CYREN: variants seen among roughly 807,000 people sequenced by gnomAD.
The protein encoded by CYREN is cell cycle regulator of non-homologous end joining.
In CYREN, 7 loss-of-function variants were observed where a neutral mutation model predicts 9.7. That is an observed-to-expected ratio of 0.72 (90% CI 0.41 to 1.36). The LOEUF is 1.36. Ranked by LOEUF, CYREN falls within the 40% of genes most tolerant of loss-of-function variation. The probability of loss-of-function intolerance (pLI) is 0.01; values close to 1 mark genes in which losing one functional copy is unlikely to be tolerated. For missense variants in CYREN, 215 were observed against 198.1 expected (o/e 1.09, Z -0.51); for synonymous variants, 76 against 77.9 (o/e 0.98, Z 0.13).
At chr7:135,119,711 A>T (rs1455459793) in intron 2 of CYREN, among the ~76,000 whole-genome samples, 1 of 152,104 alleles carries the variant, frequency 6.6e-6, no homozygotes, top group Non-Finnish European at 1.5e-5. Flanking sequence ...CCCCGTCTCT[A>T]CTAAAAATAC....
rs145262158 is a variant in CYREN, at chr7:135,102,198, G to A, written n.357-7616C>T. 2.3e-3 allele frequency among the ~76,000 whole-genome samples: 345 copies of A among 152,180 alleles called. 1 individual carries two copies. Among genetic ancestry groups the A allele is most frequent in the African/African-American group, 7.6e-3 (314 of 41,538 alleles). The stretch of plus-strand genomic sequence containing the variant: ...AAGTAAGGCTAAAGTCAAATTCACC[G>A]CTCCAAATCTGTGATTACTTAAATA... On this transcript the variant is annotated intron_variant and non_coding_transcript_variant, in intron 2 of 2. Coordinates refer to the CYREN transcript ENST00000459937.
Position 135,128,737 on chromosome 7 carries a change from A to C in CYREN, n.357-34155T>G, listed in dbSNP as rs1828311267. On this transcript the variant is annotated intron_variant and non_coding_transcript_variant, in intron 2 of 2. Transcript: ENST00000459937. ...TCTCAGAAAAAAAGTGCAGAGAAGG[A>C]CAGCTCAAGCCTCTCCCAACACAGA... 4.3e-6 allele frequency: 6 copies of C among 1,382,102 alleles called. No homozygotes were observed. In the Admixed American group the frequency reaches 1.1e-4, roughly 24 times the overall value. The allele number at this position is 1,382,102 out of a possible 1,614,324, so 85.6% of individuals were successfully genotyped here.
intron 2 of CYREN, among the ~76,000 whole-genome samples, chr7:135,130,462 A>G (rs774279551): frequency 6.6e-6 from 1 of 152,032 alleles, no homozygotes; most frequent in Non-Finnish European, 1.5e-5. Context: ...ATTCAAAATG[A>G]CTTGTCTTCG....
downstream of CYREN, chr7:135,164,338 C>A: frequency 1.7e-6 from 2 of 1,200,038 alleles, no homozygotes; most frequent in South Asian, 1.4e-5. Context: ...GTAAGAAATG[C>A]CAAAGGGAGA....
intron 2 of CYREN, chr7:135,128,471 A>T: frequency 1.3e-6 from 1 of 750,096 alleles, no homozygotes; most frequent in Middle Eastern, 2.5e-4. Context: ...GCTCAAGAGG[A>T]TGAATTGCTG....
rs1562930081 is a variant in CYREN, at chr7:135,166,627, TC to T, written c.457del (p.Glu153ArgfsTer8). On this transcript the variant is annotated frameshift_variant, in exon 4 of 4. Transcript: ENST00000393114. LOFTEE classifies it high-confidence loss of function. ...EEEDVLKYVR[E>X]IFFS ...GTTTATGCCCTAGCTGAAAAAGATC[TC>T]CCGGACGTATTTCAGCACATCCTCT... 2.5e-6 allele frequency: 4 copies of T among 1,598,246 alleles called. No homozygotes were observed. The South Asian group carries it at 4.4e-5, about 18-fold the overall frequency.
chr7:135,095,954 T>C (rs1312568687), intron 2 of CYREN, among the ~76,000 whole-genome samples: 7 of 152,020 alleles, frequency 4.6e-5, no homozygotes, highest in African/African-American at 1.7e-4. Context: ...GAGTTCAAGA[T>C]CAGCCTGGCC....
intron 2 of CYREN, among the ~76,000 whole-genome samples, chr7:135,142,722 G>A (rs1004389756): frequency 1.3e-5 from 2 of 151,886 alleles, no homozygotes; most frequent in Non-Finnish European, 2.9e-5. Context: ...CATTACCATT[G>A]ACATTAGCAC....
chr7:135,127,413 T>C (rs996310855), intron 2 of CYREN, among the ~76,000 whole-genome samples: 9 of 151,836 alleles, frequency 5.9e-5, no homozygotes, highest in African/African-American at 1.7e-4. Context: ...TTAGCCGGGG[T>C]GTGGTGGCGC....
chr7:135,144,707 G>A (rs1829510319), intron 2 of CYREN, among the ~76,000 whole-genome samples: 1 of 151,810 alleles, frequency 6.6e-6, no homozygotes, highest in Non-Finnish European at 1.5e-5. Context: ...CTTGAGCCCA[G>A]GAGTGTTAGA....
At chr7:135,096,359 GAGAC>G (rs1056809860) in intron 2 of CYREN, among the ~76,000 whole-genome samples, 3 of 150,366 alleles carry the variant, frequency 2.0e-5, no homozygotes, top group African/African-American at 4.9e-5. Flanking sequence ...AAGAAAGAGA[GAGAC>G]AGACAGACAG....
Position 135,105,585 on chromosome 7 carries a change from G to A in CYREN, n.357-11003C>T, listed in dbSNP as rs1057186244. On this transcript the variant is annotated intron_variant and non_coding_transcript_variant, in intron 2 of 2. Transcript: ENST00000459937. ...CTGGGCTCTCTATTTGGTTCCATTG[G>A]TCTATGTGTCTGTTTTTGTACAGTA... 7.2e-5 allele frequency among the ~76,000 whole-genome samples: 11 copies of A among 152,134 alleles called. No individual in the cohort carries two copies. The East Asian group carries it at 2.1e-3, about 29-fold the overall frequency.
In CYREN at chr7:135,110,662, A is replaced by G. The variant is rs1022632850; in HGVS notation, n.357-16080T>C. On this transcript the variant is annotated intron_variant and non_coding_transcript_variant, in intron 2 of 2. Transcript: ENST00000459937. ...GCTTTTCTCTGTTCTCCATGGGTCAAGTTGTTTTCTTTATGAATCCAATGT... is the reference window on the plus strand; with the variant it reads ...GCTTTTCTCTGTTCTCCATGGGTCAGGTTGTTTTCTTTATGAATCCAATGT... Among the ~76,000 whole-genome samples, 9 of 152,070 alleles carry G rather than the reference A, an allele frequency of 5.9e-5. No homozygotes were observed. The South Asian group carries it at 1.2e-3, about 21-fold the overall frequency.
chr7:135,115,694 G>GA (rs1046469020), intron 2 of CYREN: 1,002 of 1,156,186 alleles, frequency 8.7e-4, no homozygotes, highest in Middle Eastern at 1.4e-3. Context: ...ATTATCCTAC[G>GA]AAAAAAAAAT....
chr7:135,161,898 G>C (rs893388095), downstream of CYREN, among the ~76,000 whole-genome samples: 1 of 152,212 alleles, frequency 6.6e-6, no homozygotes, highest in Non-Finnish European at 1.5e-5. The surrounding 1 kb of genome is among the most constrained non-coding windows in gnomAD (Gnocchi z 4.1). Flanking sequence ...GAACTGGGCA[G>C]ACTGCCCAGT....
At chr7:135,154,470 C>G (rs919363875) in intron 2 of CYREN, among the ~76,000 whole-genome samples, 3 of 152,132 alleles carry the variant, frequency 2.0e-5, no homozygotes, top group Non-Finnish European at 4.4e-5. Context: ...GATCTTTCTA[C>G]TTTTTTGATG....
chr7:135,128,598 G>A, intron 2 of CYREN: 2 of 773,756 alleles, frequency 2.6e-6, no homozygotes, highest in Non-Finnish European at 4.8e-6. Flanking sequence ...AGCGCTATCT[G>A]CTCTATGGGA....
upstream of CYREN, among the ~76,000 whole-genome samples, chr7:135,172,022 C>T (rs1830681122): frequency 6.6e-6 from 1 of 152,182 alleles, no homozygotes; most frequent in Admixed American, 6.5e-5. Flanking sequence ...GAAGCATGGC[C>T]TGATCACCCA....
At chr7:135,134,896 C>T (rs1236739134) in intron 2 of CYREN, 7 of 1,551,112 alleles carry the variant, frequency 4.5e-6, no homozygotes, top group East Asian at 2.4e-5. Context: ...TTGGACAGCA[C>T]CCAGAAATCA....
Sources: allele counts gnomAD v4.1 joint callset (sites outside exome capture counted in the v4.1 genomes callset), GRCh38; gene constraint gnomAD v4.1.1; non-coding constraint Gnocchi (gnomAD v3.1); transcripts MANE v1.5; gene names NCBI Gene and HGNC (gene_info 2026-07-23, HGNC 2026-07-21).